STXBP6: variants seen among roughly 807,000 people sequenced by gnomAD.
The protein encoded by STXBP6 is syntaxin binding protein 6.
Under a neutral mutation model 26.9 loss-of-function variants are expected in STXBP6, and 21 were observed. That is an observed-to-expected ratio of 0.78 (90% CI 0.55 to 1.12). The LOEUF (loss-of-function observed/expected upper bound fraction) is 1.12, where lower values mean the gene tolerates loss of function less well. Ranked by LOEUF, STXBP6 falls within the 50% of genes most tolerant of loss-of-function variation. STXBP6 has a pLI of 0.00. For missense variants in STXBP6, 232 were observed against 257.9 expected (o/e 0.90, Z 0.69); for synonymous variants, 97 against 92.6 (o/e 1.05, Z -0.27).
At chr14:24,892,869 C>A (rs1413632547) in intron 2 of STXBP6, among the ~76,000 whole-genome samples, 2 of 152,338 alleles carry the variant, frequency 1.3e-5, no homozygotes, top group East Asian at 3.9e-4. Context: ...GTGGACCTTG[C>A]ACGTTCTCAA....
chr14:24,957,745 G>A (rs1483120482), intron 2 of STXBP6, among the ~76,000 whole-genome samples: 2 of 152,150 alleles, frequency 1.3e-5, no homozygotes, highest in African/African-American at 4.8e-5. Context: ...TGGAAACTAC[G>A]CCTTAGAAAG....
chr14:24,878,154 TG>T (rs1267474453), intron 2 of STXBP6, among the ~76,000 whole-genome samples: 1 of 152,124 alleles, frequency 6.6e-6, no homozygotes, highest in East Asian at 1.9e-4. Flanking sequence ...TCTCCCAGTA[TG>T]GCATTTGTCT....
intron 2 of STXBP6, among the ~76,000 whole-genome samples, chr14:24,935,965 C>T (rs1343355605): frequency 6.6e-6 from 1 of 152,274 alleles, no homozygotes; most frequent in African/African-American, 2.4e-5. Context: ...CCAAAACAAA[C>T]GAGAGAAATA....
chr14:24,850,925 C>A (rs1302011243), intron 4 of STXBP6, among the ~76,000 whole-genome samples: 2 of 151,964 alleles, frequency 1.3e-5, no homozygotes, highest in African/African-American at 4.8e-5. Context: ...TTTTTTCTTG[C>A]AAATAATTTA....
At chr14:24,960,733 C>T (rs1345737840) in intron 2 of STXBP6, among the ~76,000 whole-genome samples, 3 of 152,160 alleles carry the variant, frequency 2.0e-5, no homozygotes, top group African/African-American at 7.2e-5. Context: ...AATAATCAAA[C>T]TTGAGAAGAA....
intron 1 of STXBP6, among the ~76,000 whole-genome samples, chr14:25,005,063 A>T (rs1396453450): frequency 6.6e-6 from 1 of 152,216 alleles, no homozygotes; most frequent in Non-Finnish European, 1.5e-5. Flanking sequence ...GCTGATCATA[A>T]TCCCAAAAGA....
At chr14:24,994,420 A>T (rs1437312717) in intron 1 of STXBP6, among the ~76,000 whole-genome samples, 1 of 152,090 alleles carries the variant, frequency 6.6e-6, no homozygotes, top group African/African-American at 2.4e-5. Context: ...CTTCTCCCTC[A>T]TGCACCAAGC....
chr14:24,936,774 C>A (rs1235960161), intron 2 of STXBP6, among the ~76,000 whole-genome samples: 6 of 152,158 alleles, frequency 3.9e-5, no homozygotes, highest in Non-Finnish European at 8.8e-5. Flanking sequence ...GGCGTGAGAG[C>A]AATCCCATTA....
intron 2 of STXBP6, among the ~76,000 whole-genome samples, chr14:24,926,304 G>A (rs1002181672): frequency 2.6e-5 from 4 of 151,936 alleles, no homozygotes; most frequent in Non-Finnish European, 5.9e-5. Context: ...AGAAGTGTGG[G>A]ACTAATAGCG....
intron 2 of STXBP6, among the ~76,000 whole-genome samples, chr14:24,953,454 A>C (rs2140073340): frequency 6.6e-6 from 1 of 152,168 alleles, no homozygotes; most frequent in African/African-American, 2.4e-5. Flanking sequence ...TGTTCCTCCA[A>C]GTTGTCACGC....
chr14:24,842,642 A>T (rs2068818316), intron 4 of STXBP6, among the ~76,000 whole-genome samples: 1 of 152,020 alleles, frequency 6.6e-6, no homozygotes, highest in African/African-American at 2.4e-5. Flanking sequence ...ATTGCCCAGC[A>T]AAGGTAATAC....
intron 2 of STXBP6, among the ~76,000 whole-genome samples, chr14:24,968,212 C>T (rs1013962732): frequency 1.1e-4 from 16 of 145,760 alleles, no homozygotes; most frequent in African/African-American, 4.1e-4. Context: ...AGTTGCTTTG[C>T]AGTTCCTTTT....
At chr14:24,853,540 TA>T (rs1359921013) in intron 4 of STXBP6, among the ~76,000 whole-genome samples, 13 of 152,088 alleles carry the variant, frequency 8.5e-5, no homozygotes. Flanking sequence ...ACAATAAAAC[TA>T]TAATTTAGGA....
intron 2 of STXBP6, among the ~76,000 whole-genome samples, chr14:24,906,120 T>G (rs1309672259): frequency 6.6e-6 from 1 of 152,172 alleles, no homozygotes; most frequent in East Asian, 1.9e-4. Flanking sequence ...AATAATTAGG[T>G]TTTTTAAAAA....
intron 1 of STXBP6, among the ~76,000 whole-genome samples, chr14:24,985,831 T>G: frequency 6.6e-6 from 1 of 152,222 alleles, no homozygotes; most frequent in Non-Finnish European, 1.5e-5. Flanking sequence ...CTTAAAAGTT[T>G]AATGCCTGGA....
intron 1 of STXBP6, among the ~76,000 whole-genome samples, chr14:24,992,509 C>T (rs547880381): frequency 6.6e-6 from 1 of 152,194 alleles, no homozygotes; most frequent in Non-Finnish European, 1.5e-5. Flanking sequence ...TAAAGGACCA[C>T]TTAGTAAACA....
intron 2 of STXBP6, among the ~76,000 whole-genome samples, chr14:24,899,025 G>A (rs1269033521): frequency 6.6e-6 from 1 of 152,126 alleles, no homozygotes; most frequent in Admixed American, 6.5e-5. Context: ...TGGGGGTGGG[G>A]ATAAAACTCC....
Position 24,907,108 on chromosome 14 carries a change from T to C in STXBP6, c.155-49951A>G, listed in dbSNP as rs866642891. Among the ~76,000 whole-genome samples, 9 of 152,120 alleles carry C rather than the reference T, an allele frequency of 5.9e-5. 1 individual carries two copies. The highest frequency in any genetic ancestry group is 1.9e-4 in the African/African-American group (8 of 41,438). On this transcript the variant is annotated intron_variant, in intron 2 of 5. Coordinates refer to ENST00000323944, the MANE Select transcript of STXBP6 (RefSeq NM_001394410.1). The stretch of plus-strand genomic sequence containing the variant: ...ATATGTTCTAGTGTTTTATAAACAA[T>C]AGGGTGACTATAGATGTCAATAATT...
intron 2 of STXBP6, among the ~76,000 whole-genome samples, chr14:24,961,455 A>C (rs57943198): frequency 0.047 from 7,127 of 150,906 alleles, 309 homozygotes; most frequent in East Asian, 0.23. Context: ...TAAAAACAAA[A>C]AAAAAAAAAC....
Sources: gnomAD v4.1 joint callset for allele counts (sites outside exome capture counted in the v4.1 genomes callset) on GRCh38, gnomAD v4.1.1 for gene constraint, MANE v1.5 for transcripts, NCBI Gene and HGNC (gene_info 2026-07-23, HGNC 2026-07-21) for gene names.